The following UCHL1 variants were observed in gnomAD, a reference collection of about 807,000 sequenced individuals.
UCHL1 encodes the protein ubiquitin C-terminal hydrolase L1.
A neutral mutation model predicts 33.3 loss-of-function variants in UCHL1; 5 were observed. The observed-to-expected ratio is 0.15, with a 90% confidence interval of 0.08 to 0.32. UCHL1 has a LOEUF of 0.32. UCHL1 is among the 10% of genes least tolerant of loss of function. The pLI is 1.00. For missense variants in UCHL1, 236 were observed against 280.0 expected (o/e 0.84, Z 1.12); for synonymous variants, 132 against 108.8 (o/e 1.21, Z -1.33).
Position 41,264,118 on chromosome 4 carries a change from T to C in UCHL1, c.542T>C (p.Phe181Ser), listed in dbSNP as rs774754812. 3.1e-6 allele frequency: 5 copies of C among 1,614,112 alleles called. No individual in the cohort carries two copies. In the East Asian group the frequency reaches 8.9e-5, roughly 29 times the overall value. Reference protein sequence around the residue: ...HLYELDGRMPFPVNHGASSED... With the variant: ...HLYELDGRMPSPVNHGASSED... ...TTTGTTACAGATGGACGAATGCCTT[T>C]TCCGGTGAACCATGGCGCCAGTTCA... Residue 181 changes from phenylalanine to serine, a missense_variant, in exon 8 of 9, where the codon TTT becomes TCT. By Grantham distance (155) the Phe-to-Ser change is radical. Transcript: ENST00000284440.
At position 41,261,917 on chromosome 4, in the gene UCHL1, A is replaced by G. The variant is rs557049900; in HGVS notation, c.453A>G (p.Gln151=). 2 of 1,614,160 alleles carry G rather than the reference A, an allele frequency of 1.2e-6. No homozygotes were observed. The highest frequency in any genetic ancestry group is 2.2e-5 in the East Asian group (1 of 44,874). ...AAHDAVAQEG[Q]CRVDDKVNFH... ...ATGATGCCGTGGCACAGGAAGGCCA[A>G]TGTCGGGTAAATGCAAATACAAATC... is the stretch of plus-strand genomic sequence containing the variant. Residue 151 remains glutamine, a synonymous_variant, in exon 6 of 9, where the codon CAA becomes CAG. Transcript: ENST00000284440.
intron 8 of UCHL1, 43 bp downstream of exon 8, chr4:41,264,204 C>A (rs369690142): frequency 9.3e-6 from 15 of 1,612,476 alleles, no homozygotes; most frequent in Admixed American, 1.7e-5. Flanking sequence ...CCTCACAATT[C>A]TTTGGCTAAA....
At chr4:41,260,271 T>A (rs1001812836) in intron 3 of UCHL1, among the ~76,000 whole-genome samples, 1 of 152,198 alleles carries the variant, frequency 6.6e-6, no homozygotes, top group Non-Finnish European at 1.5e-5. Flanking sequence ...TGATTTAGGA[T>A]GCCTATGTGA....
chr4:41,260,768 T>C lies in UCHL1; in HGVS notation c.296T>C (p.Val99Ala). The change falls in exon 4 of 9, where the codon GTG (valine) becomes GCG (alanine). Residue 99 changes from valine (V) to alanine (A), a missense_variant. Val to Ala is a moderately conservative substitution (Grantham distance 64). Coordinates refer to ENST00000284440, the MANE Select transcript of UCHL1 (RefSeq NM_004181.5). ...SCGTIGLIHA[V>A]ANNQDKLGFE... ...GGCACAATCGGACTTATTCACGCAGTGGCCAATAATCAAGACAAACTGGGA... is the reference window on the plus strand; with the variant it reads ...GGCACAATCGGACTTATTCACGCAGCGGCCAATAATCAAGACAAACTGGGA... 1.2e-6 allele frequency: 2 copies of C among 1,614,200 alleles called. No individual in the cohort carries two copies. The highest frequency in any genetic ancestry group is 1.7e-6 in the Non-Finnish European group (2 of 1,180,032).
intron 4 of UCHL1, 132 bp from the exon 5 acceptor site, chr4:41,261,583 T>A: frequency 1.1e-6 from 1 of 937,292 alleles, no homozygotes; most frequent in Non-Finnish European, 1.7e-6. Context: ...AAGGTACAGC[T>A]CATCCACAAC....
At position 41,268,142 on chromosome 4, in the gene UCHL1, C is replaced by G. The variant is rs778259499; in HGVS notation, c.*69C>G. The G allele has an allele frequency of 4.9e-6, 7 of 1,424,474 alleles. No individual in the cohort carries two copies. The Admixed American group carries it at 1.3e-4, about 27-fold the overall frequency. The allele number at this position is 1,424,474 out of a possible 1,614,324, so 88.2% of individuals were successfully genotyped here. A position where few individuals can be genotyped will look rare whatever the true frequency, so the allele number is the denominator to read the frequency against. ...ACATGAAAATATATACCCCCCCATGCAGTCTAAAATGCTTCAGTACTTGTG... is the reference window on the plus strand; with the variant it reads ...ACATGAAAATATATACCCCCCCATGGAGTCTAAAATGCTTCAGTACTTGTG... On this transcript the variant is annotated 3_prime_UTR_variant, in exon 9 of 9. Transcript: ENST00000284440.
chr4:41,262,029 A>C, intron 6 of UCHL1, 106 bp downstream of exon 6: 1 of 1,480,928 alleles, frequency 6.8e-7, no homozygotes, highest in Non-Finnish European at 9.2e-7. Context: ...TTATCCACCC[A>C]AGGCCAAATG....
chr4:41,257,275 T>G, intron 2 of UCHL1, 149 bp downstream of exon 2: 1 of 1,281,328 alleles, frequency 7.8e-7, no homozygotes, highest in Non-Finnish European at 1.1e-6. Flanking sequence ...GCGCCTTTCC[T>G]GGGCCCCTGC....
intron 2 of UCHL1, chr4:41,257,366 C>T (rs941322611): frequency 3.2e-5 from 29 of 896,924 alleles, no homozygotes; most frequent in Non-Finnish European, 4.7e-5. Flanking sequence ...CCAGGCGGAG[C>T]TCCCGAGGGC....
intron 3 of UCHL1, 64 bp downstream of exon 3, chr4:41,257,801 C>T (rs1427095967): frequency 4.0e-6 from 6 of 1,517,782 alleles, no homozygotes; most frequent in Admixed American, 2.0e-5. Flanking sequence ...AGCTTGAGTC[C>T]TCGGGGGCTC....
intron 8 of UCHL1, 192 bp downstream of exon 8, chr4:41,264,353 TC>T: frequency 1.5e-6 from 1 of 681,454 alleles, no homozygotes; most frequent in Non-Finnish European, 2.6e-6. Context: ...AAACAGGGCT[TC>T]AGAGACACCC....
chr4:41,266,226 C>T (rs1033490781), intron 8 of UCHL1, among the ~76,000 whole-genome samples: 5 of 136,800 alleles, frequency 3.7e-5, no homozygotes, highest in Non-Finnish European at 7.8e-5. Context: ...CTGGCTAAAA[C>T]TTTTTTTTTT....
chr4:41,262,016 A>ATG (rs1781078259), intron 6 of UCHL1, 93 bp downstream of exon 6: 2 of 1,537,408 alleles, frequency 1.3e-6, no homozygotes, highest in Non-Finnish European at 1.8e-6. Context: ...AACACAGCAA[A>ATG]TGTTATCCAC....
Position 41,257,590 on chromosome 4 carries a change from C to T in UCHL1, c.46-19C>T, listed in dbSNP as rs1424806963. 1 of 1,507,944 alleles carries T rather than the reference C, an allele frequency of 6.6e-7. No homozygotes were observed. The allele number at this position is 1,507,944 out of a possible 1,614,324, so 93.4% of individuals were successfully genotyped here. Reference sequence around the variant, plus strand: ...CCGCGTGTCCCCGTGCGCCTGGCCGCCTTGTCTCCTCTCCGCAGGTGCTGT... The same window carrying T: ...CCGCGTGTCCCCGTGCGCCTGGCCGTCTTGTCTCCTCTCCGCAGGTGCTGT... On this transcript the variant is annotated intron_variant, in intron 2 of 8. Transcript: ENST00000284440.
intron 2 of UCHL1, 100 bp downstream of exon 2, chr4:41,257,226 T>C: frequency 1.3e-6 from 2 of 1,586,776 alleles, no homozygotes; most frequent in Non-Finnish European, 1.7e-6. Context: ...AGCCGCCCGC[T>C]GCGAGCACCG....
At position 41,257,746 on chromosome 4, in the gene UCHL1, T is replaced by C. The variant is rs772940357; in HGVS notation, c.174+9T>C. 4 of 1,570,366 alleles carry C rather than the reference T, an allele frequency of 2.5e-6. No individual in the cohort carries two copies. The highest frequency in any genetic ancestry group is 3.4e-6 in the Non-Finnish European group (4 of 1,163,380). On this transcript the variant is annotated intron_variant, in intron 3 of 8. Coordinates refer to ENST00000284440, the MANE Select transcript of UCHL1 (RefSeq NM_004181.5). ...TTCCCCTCACGGCCCAGGTAGGGCG[T>C]GGGGCCCAGGATGCGCCGGCCGCCG... is the stretch of plus-strand genomic sequence containing the variant.
rs999158009 is a variant in UCHL1, at chr4:41,257,648, G to T, written c.85G>T (p.Val29Leu). 4.5e-6 allele frequency: 7 copies of T among 1,566,078 alleles called. No homozygotes were observed. The highest frequency in any genetic ancestry group is 1.2e-5 in the South Asian group (1 of 85,468). Residue 29 changes from valine (V) to leucine (L), a missense_variant, in exon 3 of 9, where the codon GTG becomes TTG. Coordinates refer to ENST00000284440, the MANE Select transcript of UCHL1 (RefSeq NM_004181.5). ...RLGVAGQWRFVDVLGLEEESL... is the reference protein window; with the variant it reads ...RLGVAGQWRFLDVLGLEEESL... ...GGGGGTCGCCGGCCAGTGGCGCTTC[G>T]TGGACGTGCTGGGGCTGGAAGAGGA...
intron 3 of UCHL1, among the ~76,000 whole-genome samples, chr4:41,259,180 T>C (rs1781031894): frequency 6.6e-6 from 1 of 152,262 alleles, no homozygotes. Flanking sequence ...CTACACAGAA[T>C]GCCTACTGGA....
In UCHL1 at chr4:41,257,595, TCTC is replaced by T. The variant is rs1781000503; in HGVS notation, c.46-10_46-8del. 1 of 1,512,638 alleles carries T rather than the reference TCTC, an allele frequency of 6.6e-7. No homozygotes were observed. Among genetic ancestry groups the T allele is most frequent in the Non-Finnish European group, 8.8e-7 (1 of 1,137,852 alleles). The allele number at this position is 1,512,638 out of a possible 1,614,324, so 93.7% of individuals were successfully genotyped here. ...TGTCCCCGTGCGCCTGGCCGCCTTG[TCTC>T]CTCTCCGCAGGTGCTGTCCCGGCTG... On this transcript the variant is annotated splice_polypyrimidine_tract_variant and intron_variant, in intron 2 of 8. Coordinates refer to ENST00000284440, the MANE Select transcript of UCHL1 (RefSeq NM_004181.5).
Sources: gnomAD v4.1 joint callset for allele counts (sites outside exome capture counted in the v4.1 genomes callset) on GRCh38, gnomAD v4.1.1 for gene constraint, MANE v1.5 for transcripts, NCBI Gene and HGNC (gene_info 2026-07-23, HGNC 2026-07-21) for gene names.